Variants in TCP11L1 observed in about 807,000 individuals in gnomAD.
TCP11L1 encodes the protein T-complex protein 11-like protein 1.
Under a neutral mutation model 48.9 loss-of-function variants are expected in TCP11L1, and 28 were observed. The ratio of observed to expected loss-of-function variants is 0.57; its 90% confidence interval spans 0.42 to 0.78. The LOEUF is 0.78. Among genes scored for constraint, TCP11L1 ranks in the 30% least tolerant of loss-of-function variants. The pLI is 0.00. For synonymous variants in TCP11L1, 204 were observed against 231.9 expected (o/e 0.88, Z 1.09); for missense variants, 505 against 613.4 (o/e 0.82, Z 1.87).
chr11:33,057,929 C>G lies in TCP11L1; in HGVS notation c.428C>G (p.Ser143Cys). 1.2e-6 allele frequency: 2 copies of G among 1,613,178 alleles called. No homozygotes were observed. The highest frequency in any genetic ancestry group is 1.7e-4 in the Middle Eastern group (1 of 6,032). Residue 143 changes from serine (S) to cysteine (C), a missense_variant, in exon 5 of 10, where the codon TCT (serine) becomes TGT (cysteine). Coordinates refer to ENST00000334274, the MANE Select transcript of TCP11L1 (RefSeq NM_018393.4). ...TGTGTTCTCTTGTAGACTCTCTTAT[C>G]TTTCTTGCTGCCTGGTCATACTAGA... ...LVGEIKETLL[S>C]FLLPGHTRLR...
Position 33,072,709 on chromosome 11 carries a change from A to C in TCP11L1, c.*33A>C, listed in dbSNP as rs770138371. Reference sequence around the variant, plus strand: ...GCACCCTACAGCAGCAGTATTACTCACTAGCCACAGAATACCTGTTCTGTA... The same window carrying C: ...GCACCCTACAGCAGCAGTATTACTCCCTAGCCACAGAATACCTGTTCTGTA... On this transcript the variant is annotated 3_prime_UTR_variant, in exon 10 of 10. Coordinates refer to ENST00000334274, the MANE Select transcript of TCP11L1 (RefSeq NM_018393.4). 6.2e-6 allele frequency: 10 copies of C among 1,611,116 alleles called. No homozygotes were observed. In the African/African-American group the frequency reaches 8.0e-5, roughly 13 times the overall value.
chr11:33,052,715 C>T (rs113334150), intron 2 of TCP11L1, among the ~76,000 whole-genome samples: 2 of 152,130 alleles, frequency 1.3e-5, no homozygotes, highest in African/African-American at 4.8e-5. Flanking sequence ...TCTGGGCCGG[C>T]TGCTGTGGCT....
intron 4 of TCP11L1, 53 bp from the exon 5 acceptor site, chr11:33,057,860 ATATAAT>A (rs1854353939): frequency 9.2e-6 from 13 of 1,410,294 alleles, no homozygotes; most frequent in South Asian, 1.3e-5. Flanking sequence ...TATAAATTAC[ATATAAT>A]TAGAAATGAT....
At chr11:33,070,934 G>A (rs190354082) in intron 9 of TCP11L1, among the ~76,000 whole-genome samples, 2,454 of 151,372 alleles carry the variant, frequency 0.016, 70 homozygotes, top group African/African-American at 0.057. Context: ...CCCAGGAGGC[G>A]GGGGTTGCAG....
intron 2 of TCP11L1, among the ~76,000 whole-genome samples, chr11:33,053,192 T>C (rs188412078): frequency 2.0e-3 from 302 of 149,314 alleles, no homozygotes; most frequent in African/African-American, 6.9e-3. Flanking sequence ...TCGCCCAGGC[T>C]GGAGTGCAAT....
intron 1 of TCP11L1, among the ~76,000 whole-genome samples, chr11:33,042,751 G>A (rs1853875241): frequency 6.6e-6 from 1 of 151,598 alleles, no homozygotes; most frequent in Non-Finnish European, 1.5e-5. Flanking sequence ...TGACCAACAT[G>A]GTGAAACCCC....
chr11:33,066,492 C>T (rs969925077), intron 8 of TCP11L1, among the ~76,000 whole-genome samples: 1 of 151,956 alleles, frequency 6.6e-6, no homozygotes, highest in African/African-American at 2.4e-5. Flanking sequence ...GGGTGGGGAG[C>T]GCTGGTACCA....
chr11:33,063,653 C>A (rs1854528820), intron 7 of TCP11L1, among the ~76,000 whole-genome samples: 1 of 152,138 alleles, frequency 6.6e-6, no homozygotes, highest in African/African-American at 2.4e-5. Context: ...GAAGGGATTC[C>A]CCCAGTGTTT....
chr11:33,060,279 A>G (rs1392470248), intron 6 of TCP11L1, among the ~76,000 whole-genome samples: 1 of 152,172 alleles, frequency 6.6e-6, no homozygotes, highest in South Asian at 2.1e-4. Flanking sequence ...ACTCACTGGT[A>G]GGGTGGAAGC....
At position 33,057,931 on chromosome 11, in the gene TCP11L1, T is replaced by A. The variant is rs765363507; in HGVS notation, c.430T>A (p.Phe144Ile). Residue 144 changes from phenylalanine (F) to isoleucine (I), a missense_variant, in exon 5 of 10, where the codon TTC becomes ATC. Physicochemically the swap from Phe to Ile is conservative, Grantham distance 21 (BLOSUM62 0). Coordinates refer to ENST00000334274, the MANE Select transcript of TCP11L1 (RefSeq NM_018393.4). ...TGTTCTCTTGTAGACTCTCTTATCT[T>A]TCTTGCTGCCTGGTCATACTAGACT... ...VGEIKETLLS[F>I]LLPGHTRLRN... is the part of the protein sequence containing the mutation. 6 of 1,613,442 alleles carry A rather than the reference T, an allele frequency of 3.7e-6. No individual in the cohort carries two copies. Among genetic ancestry groups the A allele is most frequent in the Non-Finnish European group, 5.1e-6 (6 of 1,179,890 alleles).
chr11:33,071,197 C>G (rs1460466103), intron 9 of TCP11L1, among the ~76,000 whole-genome samples: 1 of 152,060 alleles, frequency 6.6e-6, no homozygotes, highest in Non-Finnish European at 1.5e-5. Context: ...CGCCTGTAAT[C>G]CCAGCTACTC....
In TCP11L1 at chr11:33,071,885, G is replaced by A. The variant is rs188255403; in HGVS notation, c.1328-589G>A. On this transcript the variant is annotated intron_variant, in intron 9 of 9. Transcript: ENST00000334274. ...TTTGGGGACAGAGTCTGGCTCTGTC[G>A]CCCAGGCTGGAGTGCAATGGCATGA... Among the ~76,000 whole-genome samples the A allele has an allele frequency of 1.5e-3, 221 of 151,730 alleles. 1 individual carries two copies. Among genetic ancestry groups the A allele is most frequent in the African/African-American group, 4.8e-3 (200 of 41,322 alleles).
chr11:33,042,157 G>C (rs1853854377), intron 1 of TCP11L1, among the ~76,000 whole-genome samples: 1 of 152,106 alleles, frequency 6.6e-6, no homozygotes, highest in Non-Finnish European at 1.5e-5. Flanking sequence ...TTTAGACAGA[G>C]TCTCAGTCTG....
intron 6 of TCP11L1, among the ~76,000 whole-genome samples, chr11:33,059,449 A>T (rs565664514): frequency 1.3e-5 from 2 of 152,334 alleles, no homozygotes; most frequent in Non-Finnish European, 2.9e-5. Flanking sequence ...ATGTTAATTC[A>T]CTTTTCTTCT....
At chr11:33,051,390 T>A (rs7129799) in intron 2 of TCP11L1, among the ~76,000 whole-genome samples, 111,429 of 151,916 alleles carry the variant, frequency 0.73, 41,062 homozygotes, top group East Asian at 0.87. Context: ...GATGGTCTTG[T>A]TCTCCCGACC....
intron 7 of TCP11L1, among the ~76,000 whole-genome samples, chr11:33,063,720 G>A (rs944068280): frequency 3.9e-5 from 6 of 152,164 alleles, no homozygotes; most frequent in Non-Finnish European, 7.4e-5. Flanking sequence ...GGGTACGTGA[G>A]CTTCTTATCA....
Position 33,072,647 on chromosome 11 carries a change from A to C in TCP11L1, c.1501A>C (p.Ile501Leu). 6.2e-7 allele frequency: 1 copy of C among 1,614,062 alleles called. No homozygotes were observed. Among genetic ancestry groups the C allele is most frequent in the Non-Finnish European group, 8.5e-7 (1 of 1,180,016 alleles). ...KMVFCPYYDA[I>L]LSKILVRS ...GGTCTTCTGTCCCTACTACGATGCAATCCTGAGTAAGATCCTCGTCCGATC... is the reference window on the plus strand; with the variant it reads ...GGTCTTCTGTCCCTACTACGATGCACTCCTGAGTAAGATCCTCGTCCGATC... Residue 501 changes from isoleucine to leucine, a missense_variant, in exon 10 of 10, where the codon ATC becomes CTC. Coordinates refer to ENST00000334274, the MANE Select transcript of TCP11L1 (RefSeq NM_018393.4).
chr11:33,066,581 C>T (rs1193131786), intron 8 of TCP11L1, among the ~76,000 whole-genome samples: 1 of 152,046 alleles, frequency 6.6e-6, no homozygotes, highest in African/African-American at 2.4e-5. Flanking sequence ...GCATGCTCCT[C>T]CCGGGGCCTG....
intron 9 of TCP11L1, among the ~76,000 whole-genome samples, chr11:33,070,589 G>A (rs1328434093): frequency 1.3e-5 from 2 of 151,666 alleles, no homozygotes; most frequent in Admixed American, 6.6e-5. Context: ...AGAGGCTGAG[G>A]CAGGATAATC....
Sources: gnomAD v4.1 joint callset for allele counts (sites outside exome capture counted in the v4.1 genomes callset) on GRCh38, gnomAD v4.1.1 for gene constraint, MANE v1.5 for transcripts, NCBI Gene and HGNC (gene_info 2026-07-23, HGNC 2026-07-21) for gene names.